Variants in PROS1 observed in about 807,000 individuals in gnomAD.
PROS1 encodes the protein vitamin K-dependent protein S.
PROS1 carries 29 observed loss-of-function variants against 75.9 expected under a neutral mutation model. That is an observed-to-expected ratio of 0.38 (90% CI 0.28 to 0.52). The LOEUF is 0.52. PROS1 is among the 20% of genes least tolerant of loss of function. The probability of loss-of-function intolerance (pLI) is 0.83; values close to 1 mark genes in which losing one functional copy is unlikely to be tolerated. For missense variants in PROS1, 680 were observed against 810.3 expected, an observed-to-expected ratio of 0.84 and a Z score of 1.95; for synonymous variants, 245 against 280.6, an observed-to-expected ratio of 0.87 and a Z score of 1.27.
chr3:93,913,496 A>C (rs1708791363), intron 3 of PROS1, among the ~76,000 whole-genome samples: 1 of 152,190 alleles, frequency 6.6e-6, no homozygotes, highest in Non-Finnish European at 1.5e-5. Context: ...CTTTCCAGCC[A>C]TGTGGAACTG....
intron 1 of PROS1, among the ~76,000 whole-genome samples, chr3:93,943,913 T>C (rs1191597479): frequency 2.0e-5 from 3 of 152,186 alleles, no homozygotes; most frequent in Non-Finnish European, 4.4e-5. Context: ...TTGACTGTAA[T>C]TTTCCACTAC....
chr3:93,946,517 CTGATCTT>C (rs1553817624), intron 1 of PROS1, among the ~76,000 whole-genome samples: 2 of 152,130 alleles, frequency 1.3e-5, no homozygotes, highest in Non-Finnish European at 2.9e-5. Flanking sequence ...CTACAACCAC[CTGATCTT>C]TGACAAACCT....
intron 1 of PROS1, among the ~76,000 whole-genome samples, chr3:93,970,064 CCAT>C (rs1435042302): frequency 6.6e-6 from 1 of 152,122 alleles, no homozygotes; most frequent in Non-Finnish European, 1.5e-5. Context: ...TAAAATCTCT[CCAT>C]CAGTGCAACA....
intron 9 of PROS1, 51 bp from the exon 10 acceptor site, chr3:93,893,173 C>A: frequency 6.8e-7 from 1 of 1,476,284 alleles, no homozygotes; most frequent in South Asian, 1.2e-5. Flanking sequence ...ACAGAAAGCT[C>A]AATGCATTAT....
chr3:93,945,216 C>T (rs1709365789), intron 1 of PROS1, among the ~76,000 whole-genome samples: 1 of 152,178 alleles, frequency 6.6e-6, no homozygotes, highest in African/African-American at 2.4e-5. Flanking sequence ...CAGATGAATT[C>T]TACCAGAGAT....
chr3:93,892,782 T>C, intron 10 of PROS1, 151 bp downstream of exon 10: 1 of 696,240 alleles, frequency 1.4e-6, no homozygotes, highest in South Asian at 1.7e-5. Context: ...TTTCTCAGGA[T>C]GCTTCAGGGA....
intron 1 of PROS1, among the ~76,000 whole-genome samples, chr3:93,965,722 T>G (rs1340997451): frequency 6.6e-6 from 1 of 152,020 alleles, no homozygotes; most frequent in Non-Finnish European, 1.5e-5. Context: ...TTTTATAGAG[T>G]CTCATTCTGT....
At chr3:93,968,720 C>T (rs1168053214) in intron 1 of PROS1, among the ~76,000 whole-genome samples, 1 of 151,618 alleles carries the variant, frequency 6.6e-6, no homozygotes, top group East Asian at 1.9e-4. Context: ...AAGCTCTTTA[C>T]CTGCTGAAAA....
At chr3:93,937,526 C>T (rs1374543215) in intron 1 of PROS1, among the ~76,000 whole-genome samples, 1 of 152,070 alleles carries the variant, frequency 6.6e-6, no homozygotes, top group Non-Finnish European at 1.5e-5. Flanking sequence ...CGCCACCTCA[C>T]CTGGCTAATT....
intron 1 of PROS1, among the ~76,000 whole-genome samples, chr3:93,969,122 C>CTTTTTTTTTTTTTTTTTTTTTTTTTTTTT (rs773990991): frequency 3.5e-5 from 4 of 114,324 alleles, no homozygotes; most frequent in Non-Finnish European, 7.5e-5. Context: ...CTTTTGTTTT[C>CTTTTTTTTTTTTTTTTTTTTTTTTTTTTT]TTTTTTTTTT....
At chr3:93,893,413 T>C (rs1056667240) in intron 9 of PROS1, among the ~76,000 whole-genome samples, 1 of 152,222 alleles carries the variant, frequency 6.6e-6, no homozygotes, top group Non-Finnish European at 1.5e-5. Context: ...TATATTTTGA[T>C]AGCACCTTCC....
At chr3:93,936,431 T>C (rs1206800868) in intron 1 of PROS1, among the ~76,000 whole-genome samples, 3 of 151,922 alleles carry the variant, frequency 2.0e-5, no homozygotes, top group East Asian at 1.9e-4. Flanking sequence ...ATTATATAAA[T>C]AAATAAATAT....
intron 1 of PROS1, among the ~76,000 whole-genome samples, chr3:93,945,311 C>T (rs1179420152): frequency 1.3e-5 from 2 of 152,276 alleles, no homozygotes; most frequent in African/African-American, 4.8e-5. Context: ...TTTTATGAGG[C>T]CAGCATCATC....
At chr3:93,884,589 T>A (rs1202304452) in intron 12 of PROS1, 139 bp downstream of exon 12, 1 of 988,088 alleles carries the variant, frequency 1.0e-6, no homozygotes, top group Non-Finnish European at 1.5e-6. Flanking sequence ...AAAAGGTATA[T>A]AATAGTATGA....
intron 1 of PROS1, among the ~76,000 whole-genome samples, chr3:93,946,709 G>C (rs1158001815): frequency 6.6e-6 from 1 of 151,766 alleles, no homozygotes; most frequent in Non-Finnish European, 1.5e-5. Context: ...AACCCTAGAA[G>C]AAAACCTAAG....
intron 14 of PROS1, among the ~76,000 whole-genome samples, chr3:93,876,588 C>CAA (rs34147087): frequency 0.075 from 2,622 of 34,796 alleles, 424 homozygotes; most frequent in Admixed American, 0.12. Context: ...GACTCCATCT[C>CAA]AAAAAAAAAA....
intron 1 of PROS1, among the ~76,000 whole-genome samples, chr3:93,939,344 C>G (rs1709242690): frequency 6.6e-6 from 1 of 152,074 alleles, no homozygotes; most frequent in Non-Finnish European, 1.5e-5. Flanking sequence ...CTCGCCCGTC[C>G]CCTCAGTCCC....
chr3:93,878,430 C>T (rs1217460566), intron 13 of PROS1, among the ~76,000 whole-genome samples: 3 of 152,210 alleles, frequency 2.0e-5, no homozygotes, highest in African/African-American at 7.2e-5. Context: ...TATTCAACCA[C>T]AGGTCTCTTT....
chr3:93,926,475 T>C (rs1051250941), intron 2 of PROS1, among the ~76,000 whole-genome samples: 1 of 151,914 alleles, frequency 6.6e-6, no homozygotes, highest in African/African-American at 2.4e-5. Context: ...CTACTAAAAA[T>C]ACAAAAATTA....
Sources: gnomAD v4.1 joint callset for allele counts (sites outside exome capture counted in the v4.1 genomes callset) on GRCh38, gnomAD v4.1.1 for gene constraint, MANE v1.5 for transcripts, NCBI Gene and HGNC (gene_info 2026-07-23, HGNC 2026-07-21) for gene names.